Variants in RARB observed in about 807,000 individuals in gnomAD.
RARB encodes the protein retinoic acid receptor beta.
In RARB, 17 loss-of-function variants were observed where a neutral mutation model predicts 51.9. The observed-to-expected ratio is 0.33, with a 90% CI of 0.22 to 0.49. RARB has a LOEUF of 0.49. Ranked by LOEUF, RARB falls within the 20% of genes least tolerant of loss-of-function variation. RARB has a pLI of 0.99. For missense variants in RARB, 369 were observed against 550.8 expected (o/e 0.67, Z 3.30); for synonymous variants, 215 against 195.4 (o/e 1.10, Z -0.84).
intron 2 of RARB, among the ~76,000 whole-genome samples, chr3:24,896,824 A>C (rs114744395): frequency 6.6e-6 from 1 of 152,174 alleles, no homozygotes; most frequent in Non-Finnish European, 1.5e-5. Context: ...ACAATGGAAA[A>C]ATAGATCTCT....
At chr3:25,061,731 G>T (rs963243756) in intron 3 of RARB, among the ~76,000 whole-genome samples, 3 of 151,770 alleles carry the variant, frequency 2.0e-5, no homozygotes, top group Non-Finnish European at 4.4e-5. Flanking sequence ...GGAGAGAAAG[G>T]TGTTTTATAC....
chr3:25,350,172 ACAAAGCCAGCC>A (rs1384379827), intron 5 of RARB, among the ~76,000 whole-genome samples: 1 of 152,096 alleles, frequency 6.6e-6, no homozygotes. Context: ...AAAATGAGTC[ACAAAGCCAGCC>A]CAAACTCAAG....
chr3:25,067,137 G>T (rs1698679434), intron 3 of RARB, among the ~76,000 whole-genome samples: 2 of 152,160 alleles, frequency 1.3e-5, no homozygotes, highest in African/African-American at 2.4e-5. Context: ...CTGATCACGG[G>T]TGAGCACCTG....
intron 3 of RARB, among the ~76,000 whole-genome samples, chr3:25,072,812 C>T (rs1442276520): frequency 3.3e-5 from 5 of 151,912 alleles, no homozygotes; most frequent in Admixed American, 3.3e-4. Context: ...GGGTTCACGC[C>T]ATTCTCCTGC....
rs576660225 is a variant in RARB, at chr3:25,341,839, G to A, written c.179-119354G>A. ...GCTGAGGCAGAGAGGCCCTGGTTTC[G>A]TTGAGCCTTGGGAAAGCTTTTCCTG... On this transcript the variant is annotated intron_variant, in intron 5 of 11. Coordinates refer to the RARB transcript ENST00000383772. 8.5e-5 allele frequency among the ~76,000 whole-genome samples: 13 copies of A among 152,232 alleles called. No individual in the cohort carries two copies. The South Asian group carries it at 1.2e-3, about 15-fold the overall frequency.
At chr3:24,851,966 C>G (rs1457499935) in intron 1 of RARB, among the ~76,000 whole-genome samples, 1 of 152,242 alleles carries the variant, frequency 6.6e-6, no homozygotes, top group African/African-American at 2.4e-5. Flanking sequence ...AAGCGGAAGC[C>G]CATGCTTGTA....
intron 2 of RARB, among the ~76,000 whole-genome samples, chr3:24,911,639 T>C (rs1319687332): frequency 3.9e-5 from 6 of 152,206 alleles, no homozygotes; most frequent in Non-Finnish European, 5.9e-5. Context: ...CCACGGATGG[T>C]ATCAGAGGAA....
At chr3:25,342,717 C>A (rs1279420501) in intron 5 of RARB, among the ~76,000 whole-genome samples, 2 of 152,218 alleles carry the variant, frequency 1.3e-5, no homozygotes, top group Non-Finnish European at 2.9e-5. Context: ...GCAGCCCTAC[C>A]TATGATACAT....
intron 3 of RARB, among the ~76,000 whole-genome samples, chr3:25,521,920 A>G (rs1698417217): frequency 6.6e-6 from 1 of 152,092 alleles, no homozygotes; most frequent in South Asian, 2.1e-4. Context: ...TCTGCTCCAA[A>G]TACAGTAGAG....
intron 3 of RARB, among the ~76,000 whole-genome samples, chr3:25,080,799 T>C (rs924465268): frequency 2.0e-5 from 3 of 152,184 alleles, no homozygotes; most frequent in Non-Finnish European, 4.4e-5. Context: ...TTCTAGGTAT[T>C]AAAGCCTTAT....
chr3:25,317,420 C>T lies in RARB; in HGVS notation c.178+142845C>T, dbSNP rs184938384. Among the ~76,000 whole-genome samples the T allele has an allele frequency of 4.2e-4, 64 of 152,252 alleles. 1 individual carries two copies. Among genetic ancestry groups the T allele is most frequent in the Admixed American group, 3.7e-3 (57 of 15,290 alleles). On this transcript the variant is annotated intron_variant, in intron 5 of 11. Transcript: ENST00000383772. ...TCTGGGTCATGCTATCTCAGATTGA[C>T]ACAGCAACAAATACGTATTTTAATC...
intron 5 of RARB, among the ~76,000 whole-genome samples, chr3:25,362,579 T>G (rs1705978710): frequency 1.3e-5 from 2 of 152,184 alleles, no homozygotes; most frequent in Admixed American, 1.3e-4. Context: ...GTTTTGTGCT[T>G]GAAACCCAGG....
At chr3:25,205,522 T>C (rs981112457) in intron 5 of RARB, among the ~76,000 whole-genome samples, 5 of 152,240 alleles carry the variant, frequency 3.3e-5, no homozygotes, top group Admixed American at 2.6e-4. Flanking sequence ...TTGCTCACTC[T>C]GGGAGCCATA....
chr3:25,318,294 G>T (rs1268462385), intron 5 of RARB, among the ~76,000 whole-genome samples: 1 of 152,020 alleles, frequency 6.6e-6, no homozygotes, highest in Non-Finnish European at 1.5e-5. Context: ...TGCTATATTT[G>T]GTTCTCGAGT....
At chr3:25,027,868 G>A (rs1374082916) in intron 2 of RARB, among the ~76,000 whole-genome samples, 1 of 152,246 alleles carries the variant, frequency 6.6e-6, no homozygotes, top group South Asian at 2.1e-4. Flanking sequence ...CATCATGGCA[G>A]GGTGCCTGGT....
At chr3:25,357,844 C>G (rs145078339) in intron 5 of RARB, among the ~76,000 whole-genome samples, 71 of 152,016 alleles carry the variant, frequency 4.7e-4, no homozygotes, top group African/African-American at 1.7e-3. Flanking sequence ...TTCTGAGACC[C>G]CTGTTCTTTT....
chr3:25,498,893 A>G (rs1220491751), intron 2 of RARB, among the ~76,000 whole-genome samples: 4 of 151,744 alleles, frequency 2.6e-5, no homozygotes, highest in Non-Finnish European at 4.4e-5. Flanking sequence ...AGGGAAAGAT[A>G]TGTTTTTAGA....
chr3:25,118,615 T>G (rs1000023528), intron 3 of RARB, among the ~76,000 whole-genome samples: 1 of 152,194 alleles, frequency 6.6e-6, no homozygotes, highest in Non-Finnish European at 1.5e-5. Flanking sequence ...GGAGGATAGC[T>G]GCTCTGTTTT....
chr3:25,409,035 A>T (rs1007705946), intron 5 of RARB, among the ~76,000 whole-genome samples: 1 of 152,146 alleles, frequency 6.6e-6, no homozygotes, highest in Non-Finnish European at 1.5e-5. Flanking sequence ...CTCTGTCTCA[A>T]AATAATAATA....
Sources: allele counts gnomAD v4.1 joint callset (sites outside exome capture counted in the v4.1 genomes callset), GRCh38; gene constraint gnomAD v4.1.1; transcripts MANE v1.5; gene names NCBI Gene and HGNC (gene_info 2026-07-23, HGNC 2026-07-21).